Variants in PRKCH observed in about 807,000 individuals in gnomAD.
PRKCH encodes the protein protein kinase C eta.
In PRKCH, 28 loss-of-function variants were observed where a neutral mutation model predicts 82.5. The ratio of observed to expected loss-of-function variants is 0.34; its 90% CI spans 0.25 to 0.47. The LOEUF is 0.47. Among genes scored for constraint, PRKCH ranks in the 20% least tolerant of loss-of-function variants. The pLI, the probability that PRKCH is intolerant of heterozygous loss-of-function variation, is 1.00. For synonymous variants in PRKCH, 322 were observed against 327.4 expected, an observed-to-expected ratio of 0.98 and a Z score of 0.18; for missense variants, 705 against 881.8, an observed-to-expected ratio of 0.80 and a Z score of 2.54.
chr14:61,420,763 ACTTCCAAAAATGTTTCAGGAGTC>A (rs1330492390), intron 2 of PRKCH, among the ~76,000 whole-genome samples: 2 of 152,128 alleles, frequency 1.3e-5, no homozygotes, highest in African/African-American at 4.8e-5. Flanking sequence ...TAAGAAACTC[ACTTCCAAAAATGTTTCAGGAGTC>A]CTGTAGAAGT....
intron 1 of PRKCH, among the ~76,000 whole-genome samples, chr14:61,340,148 C>T (rs1367817256): frequency 1.3e-5 from 2 of 152,006 alleles, no homozygotes; most frequent in Non-Finnish European, 2.9e-5. Flanking sequence ...CTGCCCTGTT[C>T]ATTTTTCTTC....
intron 1 of PRKCH, among the ~76,000 whole-genome samples, chr14:61,375,362 A>G (rs867311316): frequency 2.0e-5 from 3 of 151,708 alleles, no homozygotes; most frequent in Admixed American, 1.3e-4. Flanking sequence ...AACTGTTCCA[A>G]CCTCTACCTG....
chr14:61,528,527 G>T (rs115216439), intron 10 of PRKCH, among the ~76,000 whole-genome samples: 1,845 of 152,212 alleles, frequency 0.012, 38 homozygotes, highest in African/African-American at 0.043. Context: ...ATGGCGCCAG[G>T]CATAATGGTG....
In PRKCH at chr14:61,214,059, T is replaced by C. The variant is rs544836841; in HGVS notation, c.-19+26391T>C. Among the ~76,000 whole-genome samples the C allele has an allele frequency of 2.6e-5, 4 of 152,260 alleles. No individual in the cohort carries two copies. The South Asian group carries it at 6.2e-4, about 24-fold the overall frequency. On this transcript the variant is annotated intron_variant, in intron 1 of 3. Transcript: ENST00000555185. ...ACACATTAGACAGCATAGAATATGA[T>C]GGTTGGCGTAGGTGCTGTGGGAGCT...
intron 1 of PRKCH, among the ~76,000 whole-genome samples, chr14:61,254,760 T>G (rs2044982419): frequency 6.6e-6 from 1 of 152,222 alleles, no homozygotes; most frequent in Admixed American, 6.5e-5. Context: ...TTTTAAGGTT[T>G]CCCTGGCTGT....
intron 1 of PRKCH, among the ~76,000 whole-genome samples, chr14:61,379,025 G>A (rs1438655459): frequency 6.6e-6 from 1 of 152,162 alleles, no homozygotes; most frequent in East Asian, 1.9e-4. Context: ...CCCCTCAGTG[G>A]CTCCCCATTG....
chr14:61,358,687 A>T (rs530578501), intron 1 of PRKCH, among the ~76,000 whole-genome samples: 2 of 152,172 alleles, frequency 1.3e-5, no homozygotes, highest in African/African-American at 4.8e-5. Context: ...TCAAAGGCCA[A>T]TCTCCTTAGC....
intron 1 of PRKCH, among the ~76,000 whole-genome samples, chr14:61,350,414 TG>T (rs1228656483): frequency 2.6e-5 from 4 of 152,208 alleles, no homozygotes; most frequent in Non-Finnish European, 5.9e-5. Context: ...TTTAGATCTA[TG>T]GGCTTTTATA....
At chr14:61,387,805 T>C (rs556480204) in intron 1 of PRKCH, among the ~76,000 whole-genome samples, 113 of 152,366 alleles carry the variant, frequency 7.4e-4, no homozygotes, top group African/African-American at 2.6e-3. Context: ...TTTTCCTTAC[T>C]ACCTGTAGCA....
chr14:61,232,181 A>G (rs183031509), intron 1 of PRKCH, among the ~76,000 whole-genome samples: 141 of 152,356 alleles, frequency 9.3e-4, no homozygotes, highest in Admixed American at 3.3e-3. Flanking sequence ...AATGGCTCAC[A>G]GAACACAGGG....
At position 61,457,262 on chromosome 14, in the gene PRKCH, A is replaced by C. The variant is rs748119508; in HGVS notation, c.1047A>C (p.Arg349=). 42 of 1,614,190 alleles carry C rather than the reference A, an allele frequency of 2.6e-5. No homozygotes were observed. Among genetic ancestry groups the C allele is most frequent in the Non-Finnish European group, 3.5e-5 (41 of 1,180,026 alleles). The part of the protein sequence containing the change: ...GNGIGVNSSN[R]LGIDNFEFIR... ...GGATTGGGGTTAATTCTTCCAACCGACTTGGTATCGACAACTTTGAGTTCA... is the reference window on the plus strand; with the variant it reads ...GGATTGGGGTTAATTCTTCCAACCGCCTTGGTATCGACAACTTTGAGTTCA... The change falls in exon 8 of 14, where the codon CGA becomes CGC. Residue 349 remains arginine, a synonymous_variant. Coordinates refer to ENST00000332981, the MANE Select transcript of PRKCH (RefSeq NM_006255.5).
intron 10 of PRKCH, among the ~76,000 whole-genome samples, chr14:61,509,956 G>A (rs971186420): frequency 6.6e-6 from 1 of 152,018 alleles, no homozygotes; most frequent in Non-Finnish European, 1.5e-5. Flanking sequence ...AATGCTGATG[G>A]AGAGGTTCAG....
At chr14:61,535,592 G>A (rs1271935732) in intron 12 of PRKCH, among the ~76,000 whole-genome samples, 1 of 152,208 alleles carries the variant, frequency 6.6e-6, no homozygotes, top group African/African-American at 2.4e-5. Context: ...CAGGTGAGGA[G>A]GCTGAGGGAA....
At chr14:61,267,582 C>T (rs949076550) in intron 1 of PRKCH, among the ~76,000 whole-genome samples, 3 of 152,250 alleles carry the variant, frequency 2.0e-5, no homozygotes, top group East Asian at 1.9e-4. Context: ...TGTTGGCATC[C>T]GGCACACTGT....
At chr14:61,283,955 A>G (rs990532232) in intron 1 of PRKCH, among the ~76,000 whole-genome samples, 2 of 152,236 alleles carry the variant, frequency 1.3e-5, no homozygotes, top group African/African-American at 4.8e-5. Flanking sequence ...CATGTATCCT[A>G]AAGGAAAGGC....
At chr14:61,308,710 C>T (rs988456167) in intron 1 of PRKCH, among the ~76,000 whole-genome samples, 9 of 152,144 alleles carry the variant, frequency 5.9e-5, no homozygotes, top group African/African-American at 2.2e-4. Context: ...TTCACTGCAG[C>T]CTCAAACTGC....
chr14:61,238,875 A>G (rs2044812268), intron 1 of PRKCH, among the ~76,000 whole-genome samples: 1 of 152,226 alleles, frequency 6.6e-6, no homozygotes, highest in Admixed American at 6.5e-5. Flanking sequence ...GCAAAACAGT[A>G]CGGTTATATG....
chr14:61,328,743 TTTGGGAGGCCAAGGCAATAGGATCC>T, intron 1 of PRKCH, among the ~76,000 whole-genome samples: 1 of 152,120 alleles, frequency 6.6e-6, no homozygotes, highest in South Asian at 2.1e-4. Flanking sequence ...ATCCCAGCAC[TTTGGGAGGCCAAGGCAATAGGATCC>T]CTTGGGCCCA....
intron 1 of PRKCH, among the ~76,000 whole-genome samples, chr14:61,371,158 C>T (rs1409391454): frequency 6.6e-6 from 1 of 152,026 alleles, no homozygotes; most frequent in Non-Finnish European, 1.5e-5. Context: ...AAAGCATTTT[C>T]TTGAATAAAC....
Sources: allele counts gnomAD v4.1 joint callset (sites outside exome capture counted in the v4.1 genomes callset), GRCh38; gene constraint gnomAD v4.1.1; transcripts MANE v1.5; gene names NCBI Gene and HGNC (gene_info 2026-07-23, HGNC 2026-07-21).